SPOCK1: variants seen among roughly 807,000 people sequenced by gnomAD.
The protein encoded by SPOCK1 is SPARC (osteonectin), cwcv and kazal like domains proteoglycan 1.
Under a neutral mutation model 55.3 loss-of-function variants are expected in SPOCK1, and 23 were observed. The ratio of observed to expected loss-of-function variants is 0.42; its 90% CI spans 0.30 to 0.59. The LOEUF (loss-of-function observed/expected upper bound fraction) is 0.59. Among genes scored for constraint, SPOCK1 ranks in the 20% least tolerant of loss-of-function variants. The pLI, the probability that SPOCK1 is intolerant of heterozygous loss-of-function variation, is 0.22. For synonymous variants in SPOCK1, 226 were observed against 221.0 expected, an observed-to-expected ratio of 1.02 and a Z score of -0.20; for missense variants, 499 against 552.5, an observed-to-expected ratio of 0.90 and a Z score of 0.97.
chr5:137,223,394 A>T (rs748641489), intron 3 of SPOCK1, among the ~76,000 whole-genome samples: 1 of 152,120 alleles, frequency 6.6e-6, no homozygotes, highest in African/African-American at 2.4e-5. Flanking sequence ...TAAAAACAGC[A>T]TGAAATTCCT....
intron 3 of SPOCK1, among the ~76,000 whole-genome samples, chr5:137,220,307 G>T (rs1755821669): frequency 6.6e-6 from 1 of 152,184 alleles, no homozygotes; most frequent in African/African-American, 2.4e-5. Flanking sequence ...TGGGGGGCAT[G>T]TACATAACTA....
At chr5:137,431,642 G>T (rs1374512736) in intron 2 of SPOCK1, among the ~76,000 whole-genome samples, 1 of 152,208 alleles carries the variant, frequency 6.6e-6, no homozygotes, top group Non-Finnish European at 1.5e-5. Flanking sequence ...TTCTTCCTCT[G>T]GCAAGACTGG....
chr5:137,155,198 C>A (rs181880738), intron 3 of SPOCK1, among the ~76,000 whole-genome samples: 1 of 152,328 alleles, frequency 6.6e-6, no homozygotes, highest in Non-Finnish European at 1.5e-5. Flanking sequence ...AACTGGGCCC[C>A]TTTTCCTCTC....
chr5:137,400,749 G>C (rs1410280891), intron 2 of SPOCK1, among the ~76,000 whole-genome samples: 1 of 152,256 alleles, frequency 6.6e-6, no homozygotes, highest in Non-Finnish European at 1.5e-5. Flanking sequence ...AGACTTAAGT[G>C]CTTCTCCCAG....
chr5:137,496,359 T>C (rs543495010), intron 2 of SPOCK1, among the ~76,000 whole-genome samples: 238 of 152,274 alleles, frequency 1.6e-3, no homozygotes, highest in African/African-American at 4.7e-3. Context: ...TTTAAAAAAT[T>C]TAAAGCTAAG....
chr5:136,997,744 C>A (rs1167172163), intron 6 of SPOCK1, among the ~76,000 whole-genome samples: 1 of 152,184 alleles, frequency 6.6e-6, no homozygotes, highest in Non-Finnish European at 1.5e-5. Flanking sequence ...GAGGACTTCC[C>A]TAATCCTCAA....
chr5:137,202,588 T>C lies in SPOCK1; in HGVS notation c.233-61894A>G, dbSNP rs144824626. On this transcript the variant is annotated intron_variant, in intron 3 of 10. Coordinates refer to ENST00000394945, the MANE Select transcript of SPOCK1 (RefSeq NM_004598.4). ...CTCCAGGAGAACCAATGAGTAAAAA[T>C]TGTGTTGAACAGCCCTTAGAGGCTT... is the stretch of plus-strand genomic sequence containing the variant. 1.3e-3 allele frequency among the ~76,000 whole-genome samples: 200 copies of C among 152,280 alleles called. 1 individual carries two copies. Among genetic ancestry groups the C allele is most frequent in the African/African-American group, 4.5e-3 (185 of 41,570 alleles).
chr5:137,118,697 A>G (rs1407616571), intron 4 of SPOCK1, among the ~76,000 whole-genome samples: 1 of 152,228 alleles, frequency 6.6e-6, no homozygotes, highest in African/African-American at 2.4e-5. Flanking sequence ...ATCTGTGTCA[A>G]AAATATTTTA....
At chr5:137,184,055 G>T (rs1477084696) in intron 3 of SPOCK1, among the ~76,000 whole-genome samples, 1 of 152,170 alleles carries the variant, frequency 6.6e-6, no homozygotes. Context: ...AATTGCTAAG[G>T]TGTGGCCTTA....
At chr5:137,038,351 T>C (rs1304137894) in intron 6 of SPOCK1, among the ~76,000 whole-genome samples, 1 of 152,186 alleles carries the variant, frequency 6.6e-6, no homozygotes, top group Non-Finnish European at 1.5e-5. Flanking sequence ...AAGGAGCAGG[T>C]ACCTGACAAT....
At chr5:137,291,643 G>C (rs902763376) in intron 2 of SPOCK1, among the ~76,000 whole-genome samples, 30 of 152,226 alleles carry the variant, frequency 2.0e-4, no homozygotes, top group African/African-American at 7.0e-4. Context: ...AGCAAGGAGA[G>C]GGGTAAGCTG....
chr5:137,128,042 T>A (rs958656626), intron 4 of SPOCK1, among the ~76,000 whole-genome samples: 1 of 152,190 alleles, frequency 6.6e-6, no homozygotes, highest in African/African-American at 2.4e-5. Context: ...TGTGAGGGTA[T>A]TTGGAGGTGA....
intron 2 of SPOCK1, among the ~76,000 whole-genome samples, chr5:137,356,838 T>TAG (rs1177060339): frequency 0.01 from 56 of 5,458 alleles, 3 homozygotes; most frequent in East Asian, 0.035. Flanking sequence ...TATATATATA[T>TAG]AGAGAGAGAG....
rs528691555 is a variant in SPOCK1, at chr5:137,354,038, C to T, written c.187-86983G>A. On this transcript the variant is annotated intron_variant, in intron 2 of 10. Transcript: ENST00000394945. Reference sequence around the variant, plus strand: ...CACATTTGCCCTTTCCTTTCCACTGCCACCATTTTCACTCACGTTCTGACC... The same window carrying T: ...CACATTTGCCCTTTCCTTTCCACTGTCACCATTTTCACTCACGTTCTGACC... 5.9e-5 allele frequency among the ~76,000 whole-genome samples: 9 copies of T among 152,318 alleles called. No individual in the cohort carries two copies. In the South Asian group the frequency reaches 8.3e-4, roughly 14 times the overall value.
At chr5:137,327,930 A>G (rs1758107256) in intron 2 of SPOCK1, among the ~76,000 whole-genome samples, 2 of 152,204 alleles carry the variant, frequency 1.3e-5, no homozygotes, top group South Asian at 4.1e-4. Context: ...GGAAAAAATG[A>G]ATACACTGTT....
At chr5:137,041,279 A>G (rs1383637461) in intron 6 of SPOCK1, among the ~76,000 whole-genome samples, 1 of 152,228 alleles carries the variant, frequency 6.6e-6, no homozygotes, top group African/African-American at 2.4e-5. Flanking sequence ...ATTCAAATGC[A>G]AAAGAATGAA....
chr5:137,462,483 C>T (rs1753509897), intron 2 of SPOCK1, among the ~76,000 whole-genome samples: 1 of 152,210 alleles, frequency 6.6e-6, no homozygotes, highest in African/African-American at 2.4e-5. Flanking sequence ...CGTGCACTGG[C>T]TAAGGGGCAG....
chr5:137,140,793 G>C, intron 3 of SPOCK1, 99 bp from the exon 4 acceptor site: 2 of 730,758 alleles, frequency 2.7e-6, no homozygotes, highest in Middle Eastern at 4.4e-4. Flanking sequence ...GACTCTCGCT[G>C]TGTTGCCCAG....
intron 2 of SPOCK1, among the ~76,000 whole-genome samples, chr5:137,315,207 G>A (rs1757857279): frequency 6.6e-6 from 1 of 152,090 alleles, no homozygotes; most frequent in African/African-American, 2.4e-5. Flanking sequence ...AGCCTTCCAA[G>A]GTTCACCATG....
Sources: allele counts gnomAD v4.1 joint callset (sites outside exome capture counted in the v4.1 genomes callset), GRCh38; gene constraint gnomAD v4.1.1; transcripts MANE v1.5; gene names NCBI Gene and HGNC (gene_info 2026-07-23, HGNC 2026-07-21).